TMEM131L: variants seen among roughly 807,000 people sequenced by gnomAD.
TMEM131L encodes transmembrane 131 like.
TMEM131L carries 54 observed loss-of-function variants against 192.2 expected under a neutral mutation model. The observed-to-expected ratio is 0.28, with a 90% CI of 0.23 to 0.35. The LOEUF is 0.35. Among genes scored for constraint, TMEM131L ranks in the 10% least tolerant of loss-of-function variants. The probability of loss-of-function intolerance (pLI) is 1.00; values close to 1 mark genes in which losing one functional copy is unlikely to be tolerated. For synonymous variants in TMEM131L, 701 were observed against 704.9 expected, an observed-to-expected ratio of 0.99 and a Z score of 0.09; for missense variants, 1,888 against 1,972.9, an observed-to-expected ratio of 0.96 and a Z score of 0.82.
At chr4:153,479,816 A>G (rs898144027) in intron 3 of TMEM131L, among the ~76,000 whole-genome samples, 2 of 152,268 alleles carry the variant, frequency 1.3e-5, no homozygotes, top group African/African-American at 4.8e-5. Context: ...ATTGCAGACA[A>G]GAACAACTTA....
At chr4:153,487,715 TGTGTGA>T (rs1170579480) in intron 3 of TMEM131L, among the ~76,000 whole-genome samples, 12 of 145,454 alleles carry the variant, frequency 8.3e-5, no homozygotes, top group African/African-American at 3.0e-4. Flanking sequence ...TGTGTGTGTG[TGTGTGA>T]GAGAGAGAGA....
chr4:153,477,319 C>G (rs1259671508), intron 3 of TMEM131L, among the ~76,000 whole-genome samples: 1 of 152,172 alleles, frequency 6.6e-6, no homozygotes, highest in Non-Finnish European at 1.5e-5. Context: ...GTTGATACCA[C>G]TCTGGAGCTC....
intron 7 of TMEM131L, among the ~76,000 whole-genome samples, chr4:153,575,201 C>T (rs1454001112): frequency 6.6e-6 from 1 of 152,156 alleles, no homozygotes; most frequent in African/African-American, 2.4e-5. Context: ...TTTAATTGCA[C>T]ACAGTCCCCC....
chr4:153,625,874 C>T (rs1185896899), intron 29 of TMEM131L, among the ~76,000 whole-genome samples: 1 of 152,108 alleles, frequency 6.6e-6, no homozygotes, highest in South Asian at 2.1e-4. Context: ...CACCATTGCA[C>T]TCCATCCTGG....
chr4:153,634,893 A>G (rs1734464094), intron 33 of TMEM131L, among the ~76,000 whole-genome samples: 1 of 152,176 alleles, frequency 6.6e-6, no homozygotes, highest in Non-Finnish European at 1.5e-5. Context: ...CAGGGAAGGG[A>G]TGTATCATTC....
chr4:153,567,717 G>T (rs768949593), intron 7 of TMEM131L, among the ~76,000 whole-genome samples: 19 of 152,158 alleles, frequency 1.2e-4, no homozygotes, highest in Non-Finnish European at 2.8e-4. Flanking sequence ...GCTAATTTTT[G>T]TATTTAGTAG....
chr4:153,577,746 A>C (rs886163184), intron 7 of TMEM131L, among the ~76,000 whole-genome samples: 1 of 152,200 alleles, frequency 6.6e-6, no homozygotes, highest in African/African-American at 2.4e-5. Flanking sequence ...GGAGAGTATG[A>C]GAAGCTGAAG....
intron 28 of TMEM131L, among the ~76,000 whole-genome samples, chr4:153,622,282 G>C (rs1733480302): frequency 6.6e-6 from 1 of 152,188 alleles, no homozygotes. Context: ...ACCCAGTGCT[G>C]AGTCCAGGGT....
intron 3 of TMEM131L, among the ~76,000 whole-genome samples, chr4:153,486,977 GC>G (rs567392749): frequency 9.8e-5 from 15 of 152,356 alleles, no homozygotes; most frequent in Admixed American, 9.8e-4. Flanking sequence ...GTTTCTCGAA[GC>G]CTGGTCCAGG....
chr4:153,594,236 A>T (rs1197773021), intron 19 of TMEM131L, among the ~76,000 whole-genome samples: 2 of 134,526 alleles, frequency 1.5e-5, no homozygotes, highest in African/African-American at 5.7e-5. Flanking sequence ...CAAATACATT[A>T]AAAAAAATCT....
At chr4:153,603,250 T>C in intron 23 of TMEM131L, 53 bp from the exon 24 acceptor site, 2 of 1,488,114 alleles carry the variant, frequency 1.3e-6, no homozygotes, top group Non-Finnish European at 9.0e-7. Context: ...AACTAGTCTT[T>C]TGAATGCCAG....
At chr4:153,523,864 C>T (rs1735287433) in intron 3 of TMEM131L, among the ~76,000 whole-genome samples, 2 of 152,182 alleles carry the variant, frequency 1.3e-5, no homozygotes, top group East Asian at 1.9e-4. Context: ...TTTTGTACCC[C>T]ATACTCAGGG....
At chr4:153,621,162 G>A (rs189378862) in intron 27 of TMEM131L, among the ~76,000 whole-genome samples, 12 of 152,286 alleles carry the variant, frequency 7.9e-5, no homozygotes, top group East Asian at 7.7e-4. Flanking sequence ...CCATCCCTCC[G>A]TGTGGAGACC....
intron 3 of TMEM131L, among the ~76,000 whole-genome samples, chr4:153,528,863 A>G (rs558950939): frequency 2.0e-4 from 31 of 152,238 alleles, no homozygotes; most frequent in Non-Finnish European, 3.5e-4. Context: ...AACATCTGCA[A>G]TGGTTTCTTA....
intron 7 of TMEM131L, among the ~76,000 whole-genome samples, chr4:153,580,307 T>A (rs1170312964): frequency 6.6e-6 from 1 of 152,250 alleles, no homozygotes; most frequent in Non-Finnish European, 1.5e-5. Flanking sequence ...CTCTTCCCTG[T>A]TAAAAATGAT....
chr4:153,583,651 A>T lies in TMEM131L; in HGVS notation c.1039A>T (p.Ile347Phe), dbSNP rs1323953550. The T allele has an allele frequency of 6.2e-7, 1 of 1,603,086 alleles. No homozygotes were observed. Among genetic ancestry groups the T allele is most frequent in the Non-Finnish European group, 8.5e-7 (1 of 1,174,672 alleles). ...TACTTCTACAACAAACTTTACAAAA[A>T]TTGCTTCTTTTACCTGCAAAGGTAC... The part of the protein sequence containing the change: ...LPTSTTNFTK[I>F]ASFTCKAATS... The change falls in exon 11 of 35, where the codon ATT (isoleucine) becomes TTT (phenylalanine). Residue 347 changes from isoleucine (I) to phenylalanine (F), a missense_variant. Physicochemically the swap from Ile to Phe is conservative, Grantham distance 21. Coordinates refer to ENST00000409959, the MANE Select transcript of TMEM131L (RefSeq NM_001131007.2).
chr4:153,529,351 C>T (rs990846494), intron 3 of TMEM131L, among the ~76,000 whole-genome samples: 1 of 152,188 alleles, frequency 6.6e-6, no homozygotes, highest in Non-Finnish European at 1.5e-5. Context: ...AAAATTTCCA[C>T]TAAAATTGGC....
rs748708879 is a variant in TMEM131L, at chr4:153,583,612, C to G, written c.1000C>G (p.Pro334Ala). 1.2e-6 allele frequency: 2 copies of G among 1,612,178 alleles called. No homozygotes were observed. The highest frequency in any genetic ancestry group is 1.7e-6 in the Non-Finnish European group (2 of 1,179,340). Reference sequence around the variant, plus strand: ...AGATGCTCTGTCTCTGCAGTTTGAACCAGTACTACTACCTACTTCTACAAC... The same window carrying G: ...AGATGCTCTGTCTCTGCAGTTTGAAGCAGTACTACTACCTACTTCTACAAC... ...QRDALSLQFE[P>A]VLLPTSTTNF... The change falls in exon 11 of 35, where the codon CCA becomes GCA. Residue 334 changes from proline (P) to alanine (A), a missense_variant. Transcript: ENST00000409959.
intron 7 of TMEM131L, among the ~76,000 whole-genome samples, chr4:153,579,115 C>T (rs1372811082): frequency 7.2e-5 from 11 of 152,186 alleles, no homozygotes; most frequent in Non-Finnish European, 1.5e-4. Context: ...AATCCTAGCA[C>T]TTTGGGAGGC....
Sources: gnomAD v4.1 joint callset for allele counts (sites outside exome capture counted in the v4.1 genomes callset) on GRCh38, gnomAD v4.1.1 for gene constraint, MANE v1.5 for transcripts, NCBI Gene and HGNC (gene_info 2026-07-23, HGNC 2026-07-21) for gene names.